Variants in CPEB3 observed in about 807,000 individuals in gnomAD.
CPEB3 encodes cytoplasmic polyadenylation element-binding protein 3.
In CPEB3, 20 loss-of-function variants were observed where a neutral mutation model predicts 67.2. The ratio of observed to expected loss-of-function variants is 0.30; its 90% CI spans 0.21 to 0.43. CPEB3 has a LOEUF of 0.43. Among genes scored for constraint, CPEB3 ranks in the 20% least tolerant of loss-of-function variants. CPEB3 has a pLI of 1.00. For synonymous variants in CPEB3, 376 were observed against 393.1 expected (o/e 0.96, Z 0.51); for missense variants, 746 against 968.6 (o/e 0.77, Z 3.05).
chr10:92,261,094 A>G (rs1040658484), intron 1 of CPEB3, among the ~76,000 whole-genome samples: 3 of 151,130 alleles, frequency 2.0e-5, no homozygotes, highest in African/African-American at 7.3e-5. Flanking sequence ...CATCAGGGGA[A>G]AAAAAAAAGG....
At chr10:92,139,289 T>TAAAAAAAA (rs3048542) in intron 6 of CPEB3, among the ~76,000 whole-genome samples, 3 of 71,162 alleles carry the variant, frequency 4.2e-5, no homozygotes, top group Non-Finnish European at 7.3e-5. Flanking sequence ...CACACACACA[T>TAAAAAAAA]AAAAAAAAAA....
At chr10:92,202,354 G>A (rs1253783177) in intron 2 of CPEB3, among the ~76,000 whole-genome samples, 3 of 151,636 alleles carry the variant, frequency 2.0e-5, no homozygotes, top group Non-Finnish European at 2.9e-5. Flanking sequence ...ATAAAACAAT[G>A]TTATTTATAA....
At chr10:92,257,501 G>T (rs1283750277) in intron 1 of CPEB3, among the ~76,000 whole-genome samples, 1 of 151,958 alleles carries the variant, frequency 6.6e-6, no homozygotes, top group South Asian at 2.1e-4. Context: ...TTGCCATGTT[G>T]CCCAGGCTGG....
At chr10:92,073,603 T>C (rs554416696) in intron 9 of CPEB3, among the ~76,000 whole-genome samples, 1 of 152,088 alleles carries the variant, frequency 6.6e-6, no homozygotes, top group East Asian at 1.9e-4. Flanking sequence ...CACACCTGGC[T>C]AATTTAAAAA....
intron 1 of CPEB3, among the ~76,000 whole-genome samples, chr10:92,284,674 CT>C (rs1301072642): frequency 6.6e-6 from 1 of 152,054 alleles, no homozygotes; most frequent in Non-Finnish European, 1.5e-5. Flanking sequence ...AAGTCAAATC[CT>C]AGTTATAATC....
intron 3 of CPEB3, among the ~76,000 whole-genome samples, chr10:92,182,557 G>A (rs1455447058): frequency 1.3e-5 from 2 of 152,142 alleles, no homozygotes; most frequent in Non-Finnish European, 1.5e-5. Flanking sequence ...CGGGCGCAGT[G>A]GTTCATGCCT....
chr10:92,142,266 C>T (rs1846472594), intron 6 of CPEB3, among the ~76,000 whole-genome samples: 1 of 152,134 alleles, frequency 6.6e-6, no homozygotes, highest in Non-Finnish European at 1.5e-5. Flanking sequence ...AGTAATATTA[C>T]ACAATAATAC....
At chr10:92,122,074 A>G (rs1196858995) in intron 6 of CPEB3, among the ~76,000 whole-genome samples, 3 of 152,154 alleles carry the variant, frequency 2.0e-5, no homozygotes, top group Admixed American at 6.5e-5. Flanking sequence ...GCAAAGATGA[A>G]CAAGCCAAAG....
intron 9 of CPEB3, among the ~76,000 whole-genome samples, chr10:92,062,553 T>C (rs1214168459): frequency 6.6e-6 from 1 of 152,174 alleles, no homozygotes; most frequent in Non-Finnish European, 1.5e-5. Flanking sequence ...CAATACAAAG[T>C]TCTTTCCTAA....
intron 2 of CPEB3, among the ~76,000 whole-genome samples, chr10:92,222,544 G>A (rs1217690100): frequency 6.6e-6 from 1 of 152,154 alleles, no homozygotes; most frequent in African/African-American, 2.4e-5. Flanking sequence ...TCTGAAGAGG[G>A]AAAAAGAGAA....
At position 92,180,950 on chromosome 10, in the gene CPEB3, T is replaced by C; in HGVS notation, c.1222+13A>G. On this transcript the variant is annotated intron_variant, in intron 4 of 9. Transcript: ENST00000265997. ...ACTGCTAATTTAATAGAATATTTCATATGAAGACTTACTGTTAAGTGCCAT... is the reference window on the plus strand; with the variant it reads ...ACTGCTAATTTAATAGAATATTTCACATGAAGACTTACTGTTAAGTGCCAT... 7.8e-7 allele frequency: 1 copy of C among 1,281,438 alleles called. No individual in the cohort carries two copies. The highest frequency in any genetic ancestry group is 1.1e-6 in the Non-Finnish European group (1 of 878,154). 79.4% of individuals were successfully genotyped at this position (1,281,438 alleles called of 1,614,324 possible). A position where few individuals can be genotyped will look rare whatever the true frequency, so the allele number is the denominator to read the frequency against.
intron 2 of CPEB3, among the ~76,000 whole-genome samples, chr10:92,229,002 T>A (rs975468141): frequency 1.3e-5 from 2 of 151,592 alleles, no homozygotes; most frequent in Non-Finnish European, 2.9e-5. Context: ...GTGAGCCACC[T>A]CACCCAGCCA....
chr10:92,266,786 C>T (rs891621945), intron 1 of CPEB3, among the ~76,000 whole-genome samples: 3 of 152,134 alleles, frequency 2.0e-5, no homozygotes, highest in African/African-American at 7.2e-5. Flanking sequence ...GTAATCCCAG[C>T]ACTTTGGGAG....
intron 7 of CPEB3, among the ~76,000 whole-genome samples, chr10:92,101,499 C>CTGG (rs1844187189): frequency 1.3e-5 from 2 of 152,180 alleles, no homozygotes; most frequent in Non-Finnish European, 2.9e-5. Context: ...CATACAGCTG[C>CTGG]AACAGCTCAG....
intron 9 of CPEB3, among the ~76,000 whole-genome samples, chr10:92,077,895 G>A (rs1842997826): frequency 6.6e-6 from 1 of 151,834 alleles, no homozygotes; most frequent in Non-Finnish European, 1.5e-5. Flanking sequence ...GTCCCTGAGG[G>A]GAAAAAGGGA....
chr10:92,105,715 GTT>G (rs999673116), intron 7 of CPEB3, among the ~76,000 whole-genome samples: 1 of 109,700 alleles, frequency 9.1e-6, no homozygotes, highest in Non-Finnish European at 1.8e-5. Context: ...TGTTTTGTGG[GTT>G]TTTTTTTTTT....
At chr10:92,067,182 G>A (rs1343385324) in intron 9 of CPEB3, among the ~76,000 whole-genome samples, 1 of 151,940 alleles carries the variant, frequency 6.6e-6, no homozygotes, top group Non-Finnish European at 1.5e-5. Context: ...CTGTTGTTTA[G>A]AAAGCAGATG....
Position 92,182,690 on chromosome 10 carries a change from G to C in CPEB3, c.1166-1671C>G, listed in dbSNP as rs188312811. Among the ~76,000 whole-genome samples the C allele has an allele frequency of 2.6e-4, 40 of 152,216 alleles. 1 individual carries two copies. The East Asian group carries it at 7.7e-3, about 29-fold the overall frequency. On this transcript the variant is annotated intron_variant, in intron 3 of 9. Coordinates refer to ENST00000265997, the MANE Select transcript of CPEB3 (RefSeq NM_014912.5). ...AAAATACAAAAATTAGCTGGGTGTG[G>C]TGGTGGATGCCCATAATCCCAGCTA... is the stretch of plus-strand genomic sequence containing the variant.
intron 6 of CPEB3, among the ~76,000 whole-genome samples, chr10:92,120,098 C>CAAAAAAAAAAAAAAAAAAACAAGCAAAA (rs1554890962): frequency 2.2e-5 from 1 of 45,284 alleles, no homozygotes; most frequent in African/African-American, 1.3e-4. Context: ...ACTAAAAATA[C>CAAAAAAAAAAAAAAAAAAACAAGCAAAA]AAAAAAAAAA....
Sources: gnomAD v4.1 joint callset for allele counts (sites outside exome capture counted in the v4.1 genomes callset) on GRCh38, gnomAD v4.1.1 for gene constraint, MANE v1.5 for transcripts, NCBI Gene and HGNC (gene_info 2026-07-23, HGNC 2026-07-21) for gene names.